STAG1: variants seen among roughly 807,000 people sequenced by gnomAD.
STAG1 encodes the protein cohesin subunit SA-1.
STAG1 carries 26 observed loss-of-function variants against 170.9 expected under a neutral mutation model. That is an observed-to-expected ratio of 0.15 (90% CI 0.11 to 0.21). The LOEUF (loss-of-function observed/expected upper bound fraction) is 0.21. Ranked by LOEUF, STAG1 falls within the 10% of genes least tolerant of loss-of-function variation. The pLI is 1.00. For missense variants in STAG1, 964 were observed against 1,509.5 expected, an observed-to-expected ratio of 0.64 and a Z score of 5.99; for synonymous variants, 514 against 497.7, an observed-to-expected ratio of 1.03 and a Z score of -0.44.
intron 24 of STAG1, among the ~76,000 whole-genome samples, chr3:136,367,736 T>C (rs1373708883): frequency 1.3e-5 from 2 of 152,142 alleles, no homozygotes; most frequent in Non-Finnish European, 2.9e-5. Context: ...CTAAACATGG[T>C]TACATTATCA....
At chr3:136,705,586 T>C (rs1943207071) in intron 1 of STAG1, among the ~76,000 whole-genome samples, 1 of 152,130 alleles carries the variant, frequency 6.6e-6, no homozygotes, top group Non-Finnish European at 1.5e-5. Context: ...GTCTTTCCCA[T>C]GCTGTTCTCG....
At chr3:136,611,720 G>C (rs916071504) in intron 3 of STAG1, among the ~76,000 whole-genome samples, 1 of 142,154 alleles carries the variant, frequency 7.0e-6, no homozygotes, top group African/African-American at 2.7e-5. Context: ...GCCCAGGCTG[G>C]TCTCGAACTC....
intron 1 of STAG1, among the ~76,000 whole-genome samples, chr3:136,727,128 A>G (rs1222627567): frequency 1.3e-5 from 2 of 151,588 alleles, no homozygotes; most frequent in Non-Finnish European, 2.9e-5. Flanking sequence ...ATCATAATAT[A>G]TGATTATTTT....
chr3:136,477,829 C>T (rs894848606), intron 9 of STAG1, among the ~76,000 whole-genome samples: 4 of 152,124 alleles, frequency 2.6e-5, no homozygotes, highest in Non-Finnish European at 5.9e-5. Flanking sequence ...CTTGCTCTGT[C>T]GCTCATGCTG....
chr3:136,422,500 G>T lies in STAG1; in HGVS notation c.1947C>A (p.Thr649=). The T allele has an allele frequency of 6.2e-7, 1 of 1,613,924 alleles. No homozygotes were observed. The highest frequency in any genetic ancestry group is 1.7e-5 in the Admixed American group (1 of 60,006). Residue 649 remains threonine, a synonymous_variant, in exon 19 of 34, where the codon ACC becomes ACA. Coordinates refer to ENST00000383202, the MANE Select transcript of STAG1 (RefSeq NM_005862.3). ...TYSILCSEEY[T]IQNRVDIARS... ...GAGCTATGTCAACTCTGTTCTGGATGGTATATTCTTCACTGCATAAGATAC... is the reference window on the plus strand; with the variant it reads ...GAGCTATGTCAACTCTGTTCTGGATTGTATATTCTTCACTGCATAAGATAC...
intron 5 of STAG1, among the ~76,000 whole-genome samples, chr3:136,551,324 T>C (rs1238095328): frequency 6.7e-6 from 1 of 148,814 alleles, no homozygotes; most frequent in Non-Finnish European, 1.5e-5. Context: ...CCTGGCTCAC[T>C]GCAGCCTTGA....
chr3:136,570,719 C>A (rs1013805064), intron 4 of STAG1, among the ~76,000 whole-genome samples: 1 of 152,216 alleles, frequency 6.6e-6, no homozygotes, highest in African/African-American at 2.4e-5. Flanking sequence ...TAGGTACTGT[C>A]AGTTATTTTA....
intron 7 of STAG1, among the ~76,000 whole-genome samples, chr3:136,514,617 A>G (rs969589187): frequency 6.6e-6 from 1 of 152,272 alleles, no homozygotes. Flanking sequence ...GCATACGTAT[A>G]TTTACTGCGA....
intron 4 of STAG1, among the ~76,000 whole-genome samples, chr3:136,590,849 T>C (rs1938126843): frequency 6.6e-6 from 1 of 152,226 alleles, no homozygotes; most frequent in Non-Finnish European, 1.5e-5. Flanking sequence ...ATATGTGCCC[T>C]GGTTTGACAG....
At chr3:136,478,301 T>C (rs1168794866) in intron 9 of STAG1, among the ~76,000 whole-genome samples, 3 of 152,218 alleles carry the variant, frequency 2.0e-5, no homozygotes, top group Non-Finnish European at 4.4e-5. Context: ...GCTCATTGCC[T>C]AGATGGCTTT....
chr3:136,375,752 T>C (rs1232211645), intron 23 of STAG1, among the ~76,000 whole-genome samples: 1 of 151,480 alleles, frequency 6.6e-6, no homozygotes, highest in Non-Finnish European at 1.5e-5. Flanking sequence ...AGGCAGATCA[T>C]GAGGTCAGGA....
intron 22 of STAG1, among the ~76,000 whole-genome samples, chr3:136,379,054 T>C (rs1937780601): frequency 6.6e-6 from 1 of 152,168 alleles, no homozygotes; most frequent in Non-Finnish European, 1.5e-5. Context: ...AACATGAGTA[T>C]AGTATGTGGA....
intron 1 of STAG1, chr3:136,736,839 T>C: frequency 6.3e-7 from 1 of 1,586,028 alleles, no homozygotes; most frequent in Admixed American, 1.7e-5. Flanking sequence ...TTTGTTTTTT[T>C]CGCTCTTTCA....
intron 1 of STAG1, among the ~76,000 whole-genome samples, chr3:136,727,523 C>G (rs974627056): frequency 1.6e-4 from 25 of 152,176 alleles, no homozygotes; most frequent in African/African-American, 5.3e-4. Flanking sequence ...ATGCCTATAA[C>G]AGATACTTGA....
chr3:136,497,793 T>G (rs1351249360), intron 9 of STAG1, among the ~76,000 whole-genome samples: 4 of 148,820 alleles, frequency 2.7e-5, no homozygotes, highest in Admixed American at 6.7e-5. Flanking sequence ...AGGTGGAGCT[T>G]GCAGTGAGCC....
At chr3:136,444,515 TAA>T (rs998709570) in intron 14 of STAG1, among the ~76,000 whole-genome samples, 1 of 152,226 alleles carries the variant, frequency 6.6e-6, no homozygotes, top group Non-Finnish European at 1.5e-5. Flanking sequence ...TACATTCAGT[TAA>T]ACAGTCCTGG....
At chr3:136,706,005 G>A (rs1455198645) in intron 1 of STAG1, among the ~76,000 whole-genome samples, 1 of 151,672 alleles carries the variant, frequency 6.6e-6, no homozygotes, top group East Asian at 1.9e-4. Flanking sequence ...AGGAGATCAA[G>A]GCTACCATAA....
intron 1 of STAG1, among the ~76,000 whole-genome samples, chr3:136,721,691 G>A (rs766314732): frequency 3.3e-5 from 5 of 151,974 alleles, no homozygotes; most frequent in Non-Finnish European, 7.4e-5. Flanking sequence ...AGATGAGGCC[G>A]AAGTGGGTGA....
intron 5 of STAG1, among the ~76,000 whole-genome samples, chr3:136,542,578 CCA>C (rs1463212581): frequency 2.0e-5 from 3 of 151,404 alleles, no homozygotes; most frequent in African/African-American, 4.9e-5. Flanking sequence ...ACTCTTTGAT[CCA>C]CAGATTGTAC....
Sources: gnomAD v4.1 joint callset for allele counts (sites outside exome capture counted in the v4.1 genomes callset) on GRCh38, gnomAD v4.1.1 for gene constraint, MANE v1.5 for transcripts, NCBI Gene and HGNC (gene_info 2026-07-23, HGNC 2026-07-21) for gene names.